ANKDD1B: variants seen among roughly 807,000 people sequenced by gnomAD.
ANKDD1B encodes ankyrin repeat and death domain-containing protein 1B.
ANKDD1B carries 57 observed loss-of-function variants against 59.7 expected under a neutral mutation model. The ratio of observed to expected loss-of-function variants is 0.95; its 90% CI spans 0.77 to 1.19. ANKDD1B has a LOEUF of 1.19. Ranked by LOEUF, ANKDD1B falls within the 50% of genes most tolerant of loss-of-function variation. ANKDD1B has a pLI of 0.00. For synonymous variants in ANKDD1B, 216 were observed against 239.5 expected (o/e 0.90, Z 0.91); for missense variants, 602 against 641.9 (o/e 0.94, Z 0.67).
chr5:75,637,786 C>T (rs150739092), intron 7 of ANKDD1B, among the ~76,000 whole-genome samples: 123 of 152,160 alleles, frequency 8.1e-4, no homozygotes, highest in African/African-American at 2.9e-3. Flanking sequence ...TTGACAATTT[C>T]TTTCTTTCTT....
At chr5:75,664,572 A>G (rs1415159164) in intron 11 of ANKDD1B, among the ~76,000 whole-genome samples, 1 of 152,188 alleles carries the variant, frequency 6.6e-6, no homozygotes, top group East Asian at 1.9e-4. Flanking sequence ...TTTATTGAAG[A>G]CAACTTTGCC....
chr5:75,658,440 C>T (rs185420412), intron 9 of ANKDD1B, among the ~76,000 whole-genome samples: 53 of 152,208 alleles, frequency 3.5e-4, no homozygotes, highest in Admixed American at 9.2e-4. Flanking sequence ...GAGGTTAAGA[C>T]GGGTGATTTT....
intron 9 of ANKDD1B, among the ~76,000 whole-genome samples, chr5:75,658,156 T>C (rs1002905090): frequency 6.6e-6 from 1 of 152,120 alleles, no homozygotes; most frequent in African/African-American, 2.4e-5. Flanking sequence ...ACTATCATGC[T>C]ACTGCATTCC....
intron 7 of ANKDD1B, among the ~76,000 whole-genome samples, chr5:75,652,013 A>T (rs771182026): frequency 6.6e-6 from 1 of 152,178 alleles, no homozygotes; most frequent in Non-Finnish European, 1.5e-5. Context: ...CCCAGGGTTC[A>T]TCTGGATTCA....
intron 3 of ANKDD1B, among the ~76,000 whole-genome samples, chr5:75,621,802 T>C (rs1453227580): frequency 6.6e-6 from 1 of 152,198 alleles, no homozygotes; most frequent in Non-Finnish European, 1.5e-5. Context: ...TTTCACCAAC[T>C]TGTTCTCCTT....
intron 7 of ANKDD1B, among the ~76,000 whole-genome samples, chr5:75,641,978 C>T (rs1296797844): frequency 6.6e-6 from 1 of 152,100 alleles, no homozygotes; most frequent in Non-Finnish European, 1.5e-5. Context: ...AGGTTTGGTG[C>T]ATCTACTTGG....
intron 5 of ANKDD1B, among the ~76,000 whole-genome samples, chr5:75,627,829 G>T: frequency 6.6e-6 from 1 of 152,294 alleles, no homozygotes. Flanking sequence ...GCAGGTTTGC[G>T]GGGAGCCTTC....
intron 8 of ANKDD1B, among the ~76,000 whole-genome samples, chr5:75,654,862 T>A (rs1242330170): frequency 6.6e-6 from 1 of 152,014 alleles, no homozygotes; most frequent in Non-Finnish European, 1.5e-5. Flanking sequence ...CGCTTCACAC[T>A]CAGCTCGGCT....
intron 5 of ANKDD1B, 96 bp downstream of exon 5, chr5:75,626,051 A>G: frequency 1.1e-6 from 1 of 884,360 alleles, no homozygotes; most frequent in Non-Finnish European, 1.8e-6. Flanking sequence ...GCCAGCACAG[A>G]CAGACCCGGC....
Position 75,637,831 on chromosome 5 carries a change from G to T in ANKDD1B, c.798+1949G>T, listed in dbSNP as rs1335739525. On this transcript the variant is annotated intron_variant, in intron 7 of 13. Coordinates refer to ENST00000601380, the MANE Select transcript of ANKDD1B (RefSeq NM_001276713.2). ...TTCTTTTTTTTCTTATAGCGTCAGG[G>T]TCTTGCTTTGTCACCCAGGCTGGAG... 2.0e-5 allele frequency among the ~76,000 whole-genome samples: 3 copies of T among 151,860 alleles called. No homozygotes were observed. The East Asian group carries it at 5.8e-4, about 29-fold the overall frequency.
At chr5:75,663,054 T>C (rs1450232556) in intron 10 of ANKDD1B, among the ~76,000 whole-genome samples, 1 of 152,144 alleles carries the variant, frequency 6.6e-6, no homozygotes. Flanking sequence ...AAAATGCCAT[T>C]CATCTCTCTT....
At chr5:75,648,829 A>C (rs148956838) in intron 7 of ANKDD1B, among the ~76,000 whole-genome samples, 113 of 152,342 alleles carry the variant, frequency 7.4e-4, no homozygotes, top group Admixed American at 1.3e-3. Flanking sequence ...TCACATTTGT[A>C]GGTGATTGCT....
chr5:75,612,227 T>G (rs1773581318), intron 1 of ANKDD1B, among the ~76,000 whole-genome samples: 1 of 151,440 alleles, frequency 6.6e-6, no homozygotes, highest in East Asian at 1.9e-4. Flanking sequence ...AAGCATGGAG[T>G]GGATCATCTA....
chr5:75,638,467 G>C (rs568656807), intron 7 of ANKDD1B, among the ~76,000 whole-genome samples: 1 of 152,124 alleles, frequency 6.6e-6, no homozygotes, highest in South Asian at 2.1e-4. Context: ...CTAGAGCCGT[G>C]GCTTCTAGAC....
intron 1 of ANKDD1B, among the ~76,000 whole-genome samples, chr5:75,616,418 C>G (rs752245290): frequency 3.9e-5 from 6 of 152,176 alleles, no homozygotes; most frequent in Non-Finnish European, 8.8e-5. Flanking sequence ...AGTTTTATCT[C>G]TGTAAGCTGT....
At chr5:75,645,278 G>A in intron 7 of ANKDD1B, among the ~76,000 whole-genome samples, 1 of 119,326 alleles carries the variant, frequency 8.4e-6, no homozygotes, top group Non-Finnish European at 1.6e-5. Flanking sequence ...TAGAGACACA[G>A]AAAACCCTTC....
chr5:75,626,350 TA>T (rs1262232036), intron 5 of ANKDD1B, among the ~76,000 whole-genome samples: 1 of 152,252 alleles, frequency 6.6e-6, no homozygotes, highest in Non-Finnish European at 1.5e-5. Context: ...AATGCAGTTT[TA>T]CTGCATTTGT....
intron 9 of ANKDD1B, among the ~76,000 whole-genome samples, chr5:75,656,980 AT>A (rs1579971571): frequency 1.3e-5 from 2 of 152,292 alleles, no homozygotes; most frequent in East Asian, 3.9e-4. Flanking sequence ...CTGAATGAAG[AT>A]TTACCTGTAC....
In ANKDD1B at chr5:75,666,911, G is replaced by A. The variant is rs946341606; in HGVS notation, c.1311G>A (p.Leu437=). Residue 437 remains leucine (L), a synonymous_variant, in exon 12 of 14, where the codon CTG becomes CTA. Coordinates refer to ENST00000601380, the MANE Select transcript of ANKDD1B (RefSeq NM_001276713.2). ...TLLWDLAYHQ[L]KANEWQRLAR... is the part of the protein sequence containing the mutation. Reference sequence around the variant, plus strand: ...TCTGGGACCTGGCTTACCATCAGCTGAAGGCCAATGAGTGGCAGAGGCTGG... The same window carrying A: ...TCTGGGACCTGGCTTACCATCAGCTAAAGGCCAATGAGTGGCAGAGGCTGG... 6.5e-7 allele frequency: 1 copy of A among 1,532,760 alleles called. No homozygotes were observed. 94.9% of individuals were successfully genotyped at this position (1,532,760 alleles called of 1,614,324 possible). A position where few individuals can be genotyped will look rare whatever the true frequency, so the allele number is the denominator to read the frequency against.
Sources: allele counts gnomAD v4.1 joint callset (sites outside exome capture counted in the v4.1 genomes callset), GRCh38; gene constraint gnomAD v4.1.1; transcripts MANE v1.5; gene names NCBI Gene and HGNC (gene_info 2026-07-23, HGNC 2026-07-21).